The following CASR variants were observed in gnomAD, a reference collection of about 807,000 sequenced individuals.
CASR encodes calcium sensing receptor.
Under a neutral mutation model 69.1 loss-of-function variants are expected in CASR, and 23 were observed. That is an observed-to-expected ratio of 0.33 (90% CI 0.24 to 0.47). The LOEUF (loss-of-function observed/expected upper bound fraction) is 0.47, where lower values mean the gene tolerates loss of function less well. Among genes scored for constraint, CASR ranks in the 20% least tolerant of loss-of-function variants. The probability of loss-of-function intolerance (pLI) is 1.00; values close to 1 mark genes in which losing one functional copy is unlikely to be tolerated. For synonymous variants in CASR, 541 were observed against 544.7 expected (o/e 0.99, Z 0.10); for missense variants, 924 against 1,356.1 (o/e 0.68, Z 5.00).
intron 1 of CASR, among the ~76,000 whole-genome samples, chr3:122,240,162 A>G (rs1339828683): frequency 6.6e-6 from 1 of 152,240 alleles, no homozygotes; most frequent in Non-Finnish European, 1.5e-5. Flanking sequence ...CATATAACAT[A>G]CAACAGAGTT....
rs921780392 is a variant in CASR, at chr3:122,287,727, G to C, written c.*2536G>C. Reference sequence around the variant, plus strand: ...ATCTGGTCCCATCATGGGTTTCGTGGTGGTTTTCACGCATGCCTCACTGTC... The same window carrying C: ...ATCTGGTCCCATCATGGGTTTCGTGCTGGTTTTCACGCATGCCTCACTGTC... On this transcript the variant is annotated 3_prime_UTR_variant, in exon 7 of 7. Coordinates refer to ENST00000639785, the MANE Select transcript of CASR (RefSeq NM_000388.4). 3.3e-5 allele frequency: 5 copies of C among 152,272 alleles called. No homozygotes were observed. Among genetic ancestry groups the C allele is most frequent in the African/African-American group, 1.2e-4 (5 of 41,456 alleles). The allele number at this position is 152,272 out of a possible 1,614,324, so 9.4% of individuals were successfully genotyped here. A position where few individuals can be genotyped will look rare whatever the true frequency, so the allele number is the denominator to read the frequency against.
At chr3:122,208,326 C>T (rs1436831545) in intron 1 of CASR, among the ~76,000 whole-genome samples, 4 of 152,188 alleles carry the variant, frequency 2.6e-5, no homozygotes, top group Non-Finnish European at 1.5e-5. Flanking sequence ...ACAGTCACCA[C>T]ACCCAGCCTA....
chr3:122,265,221 T>C (rs1284367155), intron 4 of CASR, among the ~76,000 whole-genome samples: 1 of 152,216 alleles, frequency 6.6e-6, no homozygotes, highest in Non-Finnish European at 1.5e-5. Flanking sequence ...CTTCCACAGC[T>C]CTTTAATTGA....
intron 1 of CASR, among the ~76,000 whole-genome samples, chr3:122,209,884 C>T (rs756473592): frequency 1.1e-4 from 17 of 152,174 alleles, no homozygotes; most frequent in Non-Finnish European, 2.2e-4. Flanking sequence ...AAAAGCTTAT[C>T]CACCATAATC....
Position 122,211,620 on chromosome 3 carries a change from A to G in CASR, c.-243+27808A>G, listed in dbSNP as rs555722361. 1.2e-4 allele frequency among the ~76,000 whole-genome samples: 19 copies of G among 152,314 alleles called. No individual in the cohort carries two copies. The South Asian group carries it at 3.7e-3, about 30-fold the overall frequency. ...CTGCTCAGGAGGCTGAGACACAAGA[A>G]GTGCCTGAGCCTGGGAGGTGGAGGT... On this transcript the variant is annotated intron_variant, in intron 1 of 6. Coordinates refer to ENST00000639785, the MANE Select transcript of CASR (RefSeq NM_000388.4).
At chr3:122,252,511 GAGAA>G (rs141055482) in intron 1 of CASR, among the ~76,000 whole-genome samples, 90,540 of 135,024 alleles carry the variant, frequency 0.67, 31,315 homozygotes, top group Admixed American at 0.78. Flanking sequence ...AAGAGAGAGA[GAGAA>G]AGAAAGAAGG....
At chr3:122,239,958 G>A (rs530342478) in intron 1 of CASR, among the ~76,000 whole-genome samples, 2 of 152,186 alleles carry the variant, frequency 1.3e-5, no homozygotes, top group South Asian at 4.2e-4. Context: ...AATAGATAGG[G>A]GTAGAAAGTT....
At chr3:122,243,341 A>G (rs770759062) in intron 1 of CASR, among the ~76,000 whole-genome samples, 15 of 152,120 alleles carry the variant, frequency 9.9e-5, no homozygotes, top group Non-Finnish European at 2.2e-4. Flanking sequence ...ACATCTAATA[A>G]TCCGATTTAA....
chr3:122,216,788 A>G (rs1353964765), intron 1 of CASR, among the ~76,000 whole-genome samples: 1 of 152,216 alleles, frequency 6.6e-6, no homozygotes. Flanking sequence ...GTAGTAGCTT[A>G]TATGTCATGA....
At chr3:122,232,438 G>T (rs2074287358) in intron 1 of CASR, among the ~76,000 whole-genome samples, 1 of 152,170 alleles carries the variant, frequency 6.6e-6, no homozygotes, top group Non-Finnish European at 1.5e-5. Flanking sequence ...TGGATGAAGA[G>T]AAATGAATTA....
In CASR at chr3:122,284,078, C is replaced by G; in HGVS notation, c.2124C>G (p.Ala708=). The stretch of plus-strand genomic sequence containing the variant: ...ACCGTGTCCTCCTGGTGTTTGAGGC[C>G]AAGATCCCCACCAGCTTCCACCGCA... ...KTNRVLLVFE[A]KIPTSFHRKW... is the part of the protein sequence containing the mutation. Residue 708 remains alanine, a synonymous_variant, in exon 7 of 7, where the codon GCC becomes GCG. Coordinates refer to ENST00000639785, the MANE Select transcript of CASR (RefSeq NM_000388.4). 1 of 1,614,194 alleles carries G rather than the reference C, an allele frequency of 6.2e-7. No homozygotes were observed. Among genetic ancestry groups the G allele is most frequent in the Non-Finnish European group, 8.5e-7 (1 of 1,180,036 alleles).
At chr3:122,219,390 A>C (rs919546653) in intron 1 of CASR, among the ~76,000 whole-genome samples, 1 of 152,188 alleles carries the variant, frequency 6.6e-6, no homozygotes, top group Non-Finnish European at 1.5e-5. Flanking sequence ...ATTCCGTTGC[A>C]TAAGTTGACA....
At chr3:122,222,401 A>G (rs74581763) in intron 1 of CASR, among the ~76,000 whole-genome samples, 1 of 151,690 alleles carries the variant, frequency 6.6e-6, no homozygotes. Flanking sequence ...TTTATTAGAG[A>G]AAAAAAAATT....
chr3:122,187,604 A>G (rs538244257), intron 1 of CASR, among the ~76,000 whole-genome samples: 17 of 152,322 alleles, frequency 1.1e-4, no homozygotes, highest in African/African-American at 3.4e-4. Context: ...GGGAGTGGTC[A>G]ATTCTACCAA....
rs202101164 is a variant in CASR, at chr3:122,262,228, A to T, written c.1193A>T (p.Asp398Val). ...GCCTTCCGACCCCTCTGTACAGGGG[A>T]TGAGAACATCAGCAGTGTCGAGACC... ...STAFRPLCTG[D>V]ENISSVETPY... The change falls in exon 4 of 7, where the codon GAT becomes GTT. Residue 398 changes from aspartate (D) to valine (V), a missense_variant. Transcript: ENST00000639785. The T allele has an allele frequency of 6.2e-7, 1 of 1,614,104 alleles. No homozygotes were observed. The highest frequency in any genetic ancestry group is 8.5e-7 in the Non-Finnish European group (1 of 1,179,938).
intron 4 of CASR, among the ~76,000 whole-genome samples, chr3:122,266,580 C>G (rs975036315): frequency 6.6e-6 from 1 of 151,848 alleles, no homozygotes; most frequent in African/African-American, 2.4e-5. Flanking sequence ...TGTTTCTCTT[C>G]CCCTTCGTTT....
At position 122,289,267 on chromosome 3, in the gene CASR, C is replaced by A. The variant is rs555052615; in HGVS notation, c.*4076C>A. ...CCTGAGTGGTCATTTTAGGAGTCCACTGGAGACAAGAATACTCCCAAAGGT... is the reference window on the plus strand; with the variant it reads ...CCTGAGTGGTCATTTTAGGAGTCCAATGGAGACAAGAATACTCCCAAAGGT... On this transcript the variant is annotated 3_prime_UTR_variant, in exon 7 of 7. Transcript: ENST00000639785. 2.0e-5 allele frequency: 3 copies of A among 152,286 alleles called. No individual in the cohort carries two copies. The highest frequency in any genetic ancestry group is 7.2e-5 in the African/African-American group (3 of 41,542). The allele number at this position is 152,286 out of a possible 1,614,324, so 9.4% of individuals were successfully genotyped here.
In CASR at chr3:122,288,099, G is replaced by A. The variant is rs2074985236; in HGVS notation, c.*2908G>A. On this transcript the variant is annotated 3_prime_UTR_variant, in exon 7 of 7. Transcript: ENST00000639785. ...ATCAGCTGACCTTGAGATAGGAAGAGCGTCCCAAATTATCCAGGTGGGTCC... is the reference window on the plus strand; with the variant it reads ...ATCAGCTGACCTTGAGATAGGAAGAACGTCCCAAATTATCCAGGTGGGTCC... 6.6e-6 allele frequency: 1 copy of A among 152,278 alleles called. No individual in the cohort carries two copies. 9.4% of individuals were successfully genotyped at this position (152,278 alleles called of 1,614,324 possible).
At chr3:122,253,495 A>C (rs1423359654) in intron 1 of CASR, among the ~76,000 whole-genome samples, 1 of 152,198 alleles carries the variant, frequency 6.6e-6, no homozygotes, top group Non-Finnish European at 1.5e-5. Context: ...CACCTGCCTC[A>C]GCTCCCCATA....
Sources: allele counts gnomAD v4.1 joint callset (sites outside exome capture counted in the v4.1 genomes callset), GRCh38; gene constraint gnomAD v4.1.1; transcripts MANE v1.5; gene names NCBI Gene and HGNC (gene_info 2026-07-23, HGNC 2026-07-21).